SH3KBP1: variants seen among roughly 807,000 people sequenced by gnomAD.
SH3KBP1 encodes the protein SH3 domain containing kinase binding protein 1.
SH3KBP1 carries 8 observed loss-of-function variants against 50.1 expected under a neutral mutation model. The ratio of observed to expected loss-of-function variants is 0.16; its 90% CI spans 0.09 to 0.29. The LOEUF (loss-of-function observed/expected upper bound fraction) is 0.29. Among genes scored for constraint, SH3KBP1 ranks in the 10% least tolerant of loss-of-function variants. The probability of loss-of-function intolerance (pLI) is 1.00; values close to 1 mark genes in which losing one functional copy is unlikely to be tolerated. For missense variants in SH3KBP1, 377 were observed against 535.2 expected, an observed-to-expected ratio of 0.70 and a Z score of 2.92; for synonymous variants, 227 against 218.6, an observed-to-expected ratio of 1.04 and a Z score of -0.34.
In SH3KBP1 at chrX:19,618,385, C is replaced by CAAAA. The variant is rs1169013925; in HGVS notation, c.898-10344_898-10341dup. Among the ~76,000 whole-genome samples the CAAAA allele has an allele frequency of 8.2e-3, 150 of 18,187 alleles. 10 individuals carry two copies. Among genetic ancestry groups the CAAAA allele is most frequent in the African/African-American group, 0.023 (142 of 6,060 alleles). 15.8% of individuals were successfully genotyped at this position (18,187 alleles called of 115,157 possible). ...GGTGACAGACTGCGAGACTCTGTCT[C>CAAAA]AAAAAAAAAAAAAAAAAAAAAAAAA... On this transcript the variant is annotated intron_variant, in intron 8 of 17. Transcript: ENST00000397821.
intron 5 of SH3KBP1, among the ~76,000 whole-genome samples, chrX:19,689,761 A>G (rs1268965532): frequency 8.9e-6 from 1 of 112,402 alleles, no homozygotes; most frequent in East Asian, 2.8e-4. Context: ...AAATTTACAC[A>G]CAAAACTATA....
chrX:19,875,237 C>T (rs1333461857), intron 1 of SH3KBP1, among the ~76,000 whole-genome samples: 6 of 111,557 alleles, frequency 5.4e-5, no homozygotes, highest in African/African-American at 1.6e-4. Context: ...TTTTAACGGC[C>T]GCCAACTCAA....
chrX:19,739,065 G>GT (rs1413401088), intron 3 of SH3KBP1, among the ~76,000 whole-genome samples: 1 of 103,574 alleles, frequency 9.7e-6, no homozygotes, highest in African/African-American at 3.5e-5. Flanking sequence ...TATGCAGAGA[G>GT]TTTGGAACTC....
chrX:19,766,483 C>CTTTTTTTTTTTTTTTTTTTTTTTTT lies in SH3KBP1; in HGVS notation c.163-20067_163-20043dup, dbSNP rs61439964. On this transcript the variant is annotated intron_variant, in intron 2 of 17. Coordinates refer to ENST00000397821, the MANE Select transcript of SH3KBP1 (RefSeq NM_031892.3). ...TGCACTTTGAGTCTGTTGATTGCAT[C>CTTTTTTTTTTTTTTTTTTTTTTTTT]TTTTTTTTTTTTTTTTTTTTTTTTT... 1.8e-4 allele frequency among the ~76,000 whole-genome samples: 4 copies of CTTTTTTTTTTTTTTTTTTTTTTTTT among 22,590 alleles called. 2 individuals carry two copies. The highest frequency in any genetic ancestry group is 3.2e-4 in the Non-Finnish European group (4 of 12,542). 19.6% of individuals were successfully genotyped at this position (22,590 alleles called of 115,157 possible).
At chrX:19,588,316 C>T in intron 12 of SH3KBP1, 1 of 1,063,652 alleles carries the variant, frequency 9.4e-7, no homozygotes, top group South Asian at 2.9e-5. Flanking sequence ...ACGCCACCTG[C>T]ATTTCCAGGC....
intron 12 of SH3KBP1, among the ~76,000 whole-genome samples, chrX:19,581,607 T>C (rs1490932284): frequency 1.8e-5 from 2 of 111,511 alleles, no homozygotes; most frequent in Non-Finnish European, 3.8e-5. Flanking sequence ...GGAAGCTTAT[T>C]TCCTGCTACA....
intron 12 of SH3KBP1, among the ~76,000 whole-genome samples, chrX:19,580,488 C>T (rs1450503536): frequency 9.0e-6 from 1 of 111,569 alleles, no homozygotes; most frequent in Non-Finnish European, 1.9e-5. Context: ...AACTAATGAG[C>T]AAAGCCTGGG....
At chrX:19,585,680 A>C (rs1372010742) in intron 12 of SH3KBP1, among the ~76,000 whole-genome samples, 2 of 104,072 alleles carry the variant, frequency 1.9e-5, no homozygotes, top group African/African-American at 7.3e-5. Flanking sequence ...TGTGGATTCC[A>C]CCACCACTAC....
intron 3 of SH3KBP1, among the ~76,000 whole-genome samples, chrX:19,721,388 T>C (rs961987896): frequency 8.9e-6 from 1 of 112,026 alleles, no homozygotes; most frequent in Non-Finnish European, 1.9e-5. Context: ...TCCCACTACA[T>C]GAATAGATAT....
intron 4 of SH3KBP1, among the ~76,000 whole-genome samples, chrX:19,700,801 G>A (rs1454396058): frequency 9.0e-6 from 1 of 111,661 alleles, no homozygotes; most frequent in African/African-American, 3.3e-5. Context: ...TAAATGGCTG[G>A]ACCAATATTT....
intron 13 of SH3KBP1, among the ~76,000 whole-genome samples, chrX:19,553,531 C>T (rs915425715): frequency 9.1e-6 from 1 of 110,047 alleles, no homozygotes; most frequent in African/African-American, 3.3e-5. Flanking sequence ...AAGGAACAAG[C>T]GAACAAATGA....
chrX:19,860,931 G>C (rs2068760418), intron 1 of SH3KBP1, among the ~76,000 whole-genome samples: 3 of 111,616 alleles, frequency 2.7e-5, no homozygotes, highest in Admixed American at 9.6e-5. Flanking sequence ...TATATAGTAT[G>C]ATAGCAATGT....
At chrX:19,679,751 T>C (rs1005335619) in intron 6 of SH3KBP1, among the ~76,000 whole-genome samples, 1 of 112,045 alleles carries the variant, frequency 8.9e-6, no homozygotes, top group African/African-American at 3.3e-5. Flanking sequence ...CCCCACTCTT[T>C]CATCTTCTGG....
chrX:19,740,885 T>C (rs1346352479), intron 3 of SH3KBP1: 2 of 226,826 alleles, frequency 8.8e-6, no homozygotes, highest in Non-Finnish European at 1.8e-5. Flanking sequence ...GAAAAAACGT[T>C]TCCCCTTCAG....
chrX:19,612,716 T>C (rs1057357769), intron 8 of SH3KBP1, among the ~76,000 whole-genome samples: 1 of 111,771 alleles, frequency 8.9e-6, no homozygotes, highest in Admixed American at 9.5e-5. Flanking sequence ...AAGAAAACCA[T>C]CATGTCCTTG....
chrX:19,683,504 A>G (rs2063103781), intron 6 of SH3KBP1, among the ~76,000 whole-genome samples: 2 of 111,983 alleles, frequency 1.8e-5, no homozygotes, highest in African/African-American at 6.5e-5. Flanking sequence ...TGTCAGGGTC[A>G]TGCACTTAGG....
intron 6 of SH3KBP1, among the ~76,000 whole-genome samples, chrX:19,647,591 A>C (rs1249955464): frequency 9.0e-6 from 1 of 111,629 alleles, no homozygotes; most frequent in Non-Finnish European, 1.9e-5. Context: ...GGTGATGGTG[A>C]AGCTGGTATT....
At chrX:19,568,123 G>C (rs764929987) in intron 13 of SH3KBP1, among the ~76,000 whole-genome samples, 5 of 111,275 alleles carry the variant, frequency 4.5e-5, no homozygotes, top group Non-Finnish European at 7.5e-5. Flanking sequence ...CTGGGGTGGG[G>C]AGGCGGTGGG....
At chrX:19,540,150 G>T (rs1434180303) in intron 16 of SH3KBP1, among the ~76,000 whole-genome samples, 1 of 111,390 alleles carries the variant, frequency 9.0e-6, no homozygotes, top group African/African-American at 3.3e-5. Context: ...TGGGGCCTTT[G>T]GGTACCTAAA....
Sources: allele counts gnomAD v4.1 joint callset (sites outside exome capture counted in the v4.1 genomes callset), GRCh38; gene constraint gnomAD v4.1.1; transcripts MANE v1.5; gene names NCBI Gene and HGNC (gene_info 2026-07-23, HGNC 2026-07-21).